EYS: variants seen among roughly 807,000 people sequenced by gnomAD.
EYS encodes protein eyes shut homolog.
In EYS, 250 loss-of-function variants were observed where a neutral mutation model predicts 282.1. The observed-to-expected ratio is 0.89, with a 90% CI of 0.80 to 0.98. The LOEUF (loss-of-function observed/expected upper bound fraction) is 0.98, where lower values mean the gene tolerates loss of function less well. EYS is among the 50% of genes least tolerant of loss of function. The pLI is 0.00. For synonymous variants in EYS, 1,355 were observed against 1,282.9 expected, an observed-to-expected ratio of 1.06 and a Z score of -1.20; for missense variants, 4,016 against 3,709.0, an observed-to-expected ratio of 1.08 and a Z score of -2.15.
chr6:64,794,831 A>G (rs1774304462), intron 22 of EYS, among the ~76,000 whole-genome samples: 1 of 152,158 alleles, frequency 6.6e-6, no homozygotes, highest in African/African-American at 2.4e-5. Context: ...TACATAATTG[A>G]GATAAAGTCT....
intron 10 of EYS, among the ~76,000 whole-genome samples, chr6:65,338,528 C>A (rs1770078091): frequency 6.6e-6 from 1 of 150,836 alleles, no homozygotes; most frequent in Non-Finnish European, 1.5e-5. Flanking sequence ...GGTCGGCAAC[C>A]CTAACTCCTG....
At chr6:64,745,952 C>T (rs1669341379) in intron 22 of EYS, among the ~76,000 whole-genome samples, 1 of 152,078 alleles carries the variant, frequency 6.6e-6, no homozygotes, top group African/African-American at 2.4e-5. Flanking sequence ...GAGTAGTAGC[C>T]TCCAAAGGCT....
At chr6:63,896,486 T>C (rs1262706087) in intron 35 of EYS, among the ~76,000 whole-genome samples, 2 of 152,202 alleles carry the variant, frequency 1.3e-5, no homozygotes, top group Non-Finnish European at 1.5e-5. Context: ...CCCACACATG[T>C]ACAGCCTTCC....
intron 30 of EYS, among the ~76,000 whole-genome samples, chr6:64,298,183 C>T (rs780650742): frequency 6.6e-6 from 1 of 151,940 alleles, no homozygotes; most frequent in Non-Finnish European, 1.5e-5. Flanking sequence ...AGTTAAATGG[C>T]TTATAATGCA....
At chr6:65,028,918 C>G (rs905852715) in intron 13 of EYS, among the ~76,000 whole-genome samples, 1 of 151,884 alleles carries the variant, frequency 6.6e-6, no homozygotes, top group Non-Finnish European at 1.5e-5. Context: ...GCCTTTATAC[C>G]TCCCTAAGTA....
At chr6:65,356,580 GA>G (rs2150329962) in intron 8 of EYS, among the ~76,000 whole-genome samples, 1 of 152,044 alleles carries the variant, frequency 6.6e-6, no homozygotes, top group East Asian at 1.9e-4. Flanking sequence ...AGTCACCCAG[GA>G]TATATTTCAA....
intron 12 of EYS, among the ~76,000 whole-genome samples, chr6:65,130,109 G>C (rs1404288213): frequency 6.6e-6 from 1 of 151,764 alleles, no homozygotes; most frequent in Non-Finnish European, 1.5e-5. Context: ...TAAACATTAA[G>C]TATACATAGA....
At chr6:65,691,043 A>C (rs1416677840) in intron 1 of EYS, among the ~76,000 whole-genome samples, 1 of 150,386 alleles carries the variant, frequency 6.6e-6, no homozygotes, top group African/African-American at 2.4e-5. Context: ...CAATAAACAT[A>C]CATGTGCATG....
intron 10 of EYS, among the ~76,000 whole-genome samples, chr6:65,338,214 C>T (rs1428930343): frequency 6.6e-6 from 1 of 150,822 alleles, no homozygotes; most frequent in Non-Finnish European, 1.5e-5. Context: ...TTTTGGATTT[C>T]AACATGATTT....
intron 7 of EYS, among the ~76,000 whole-genome samples, chr6:65,385,471 T>C (rs956531215): frequency 6.6e-6 from 1 of 151,952 alleles, no homozygotes; most frequent in Non-Finnish European, 1.5e-5. Flanking sequence ...TATTTCTCCA[T>C]TCATATCAGA....
intron 26 of EYS, among the ~76,000 whole-genome samples, chr6:64,493,674 G>T (rs776613180): frequency 1.3e-5 from 2 of 151,198 alleles, no homozygotes; most frequent in African/African-American, 4.8e-5. Context: ...TATACTTTAA[G>T]TTCTAGCGTA....
chr6:64,528,931 A>G (rs1341369939), intron 26 of EYS, among the ~76,000 whole-genome samples: 5 of 152,050 alleles, frequency 3.3e-5, no homozygotes, highest in Non-Finnish European at 7.4e-5. Context: ...GTGTTAAACA[A>G]TAAATAATTT....
In EYS at chr6:64,505,873, C is replaced by T. The variant is rs141733407; in HGVS notation, c.5645-66521G>A. ...TTGGTACAATAGAAATAATAATAAC[C>T]TAAAGTGTTATTTGGCATTGTTGAA... On this transcript the variant is annotated intron_variant, in intron 26 of 42. Transcript: ENST00000503581. Among the ~76,000 whole-genome samples the T allele has an allele frequency of 3.1e-3, 474 of 152,168 alleles. 2 individuals are homozygous for T. Among genetic ancestry groups the T allele is most frequent in the Non-Finnish European group, 5.6e-3 (378 of 67,988 alleles).
At chr6:65,290,459 A>G (rs750428652) in intron 12 of EYS, among the ~76,000 whole-genome samples, 3 of 151,240 alleles carry the variant, frequency 2.0e-5, no homozygotes, top group Non-Finnish European at 3.0e-5. Context: ...TTTGCATATC[A>G]TTGAATTGTT....
intron 26 of EYS, among the ~76,000 whole-genome samples, chr6:64,562,282 T>A (rs1582897008): frequency 6.6e-6 from 1 of 152,024 alleles, no homozygotes; most frequent in East Asian, 1.9e-4. Context: ...TCAAATCTGA[T>A]GTTTCCTAGA....
At chr6:64,904,681 T>C (rs1401389214) in intron 16 of EYS, among the ~76,000 whole-genome samples, 1 of 152,166 alleles carries the variant, frequency 6.6e-6, no homozygotes, top group Non-Finnish European at 1.5e-5. Context: ...AAATGTTCTT[T>C]TGAGGCAGTG....
intron 22 of EYS, among the ~76,000 whole-genome samples, chr6:64,723,016 T>G (rs12204140): frequency 0.036 from 5,359 of 150,128 alleles, 119 homozygotes; most frequent in Non-Finnish European, 0.051. Flanking sequence ...CCCCTTATGT[T>G]AAAACCTGGA....
chr6:64,096,684 C>T (rs1203705041), intron 31 of EYS, among the ~76,000 whole-genome samples: 1 of 152,124 alleles, frequency 6.6e-6, no homozygotes, highest in Non-Finnish European at 1.5e-5. Flanking sequence ...ATCTTCTTTG[C>T]CATGGGTTCA....
rs1249374177 is a variant in EYS, at chr6:65,371,739, C to CTGTG, written c.1299+12646_1299+12647insCACA. On this transcript the variant is annotated intron_variant, in intron 8 of 42. Coordinates refer to ENST00000503581, the MANE Select transcript of EYS (RefSeq NM_001142800.2). ...TCTCTCTCTCTCTCTCTCTCTCTCT[C>CTGTG]TCTGTGTGTGTGTGTGTGTGTGTGT... is the stretch of plus-strand genomic sequence containing the variant. Among the ~76,000 whole-genome samples, 436 of 51,688 alleles carry CTGTG rather than the reference C, an allele frequency of 8.4e-3. 1 individual carries two copies. Among genetic ancestry groups the CTGTG allele is most frequent in the Non-Finnish European group, 0.011 (317 of 27,650 alleles). The allele number at this position is 51,688 out of a possible 152,430, so 33.9% of individuals were successfully genotyped here. A position where few individuals can be genotyped will look rare whatever the true frequency, so the allele number is the denominator to read the frequency against.
Sources: gnomAD v4.1 joint callset for allele counts (sites outside exome capture counted in the v4.1 genomes callset) on GRCh38, gnomAD v4.1.1 for gene constraint, MANE v1.5 for transcripts, NCBI Gene and HGNC (gene_info 2026-07-23, HGNC 2026-07-21) for gene names.